The following KCTD16 variants were observed in gnomAD, a reference collection of about 807,000 sequenced individuals.
KCTD16 encodes potassium channel tetramerization domain containing 16, also known as BTB/POZ domain-containing protein KCTD16.
A neutral mutation model predicts 33.2 loss-of-function variants in KCTD16; 13 were observed. The observed-to-expected ratio is 0.39, with a 90% confidence interval of 0.25 to 0.62. The LOEUF (loss-of-function observed/expected upper bound fraction) is 0.62, where lower values mean the gene tolerates loss of function less well. Ranked by LOEUF, KCTD16 falls within the 20% of genes least tolerant of loss-of-function variation. KCTD16 has a pLI of 0.50. For synonymous variants in KCTD16, 197 were observed against 195.3 expected, an observed-to-expected ratio of 1.01 and a Z score of -0.07; for missense variants, 441 against 525.1, an observed-to-expected ratio of 0.84 and a Z score of 1.57.
intron 3 of KCTD16, among the ~76,000 whole-genome samples, chr5:144,300,377 C>G (rs940080075): frequency 6.6e-6 from 1 of 152,178 alleles, no homozygotes; most frequent in Non-Finnish European, 1.5e-5. Context: ...GCAATCTGTC[C>G]TGAATGCTGC....
rs1427809610 is a variant in KCTD16 at position 144,479,977 on chromosome 5, C to CT, written c.*5865dup. ...TCTTGTCTCCAGCAACCTCCTCCATCTTATCAGTTTATTTTTAGAATTGAC... is the reference window on the plus strand; with the variant it reads ...TCTTGTCTCCAGCAACCTCCTCCATCTTTATCAGTTTATTTTTAGAATTGAC... On this transcript the variant is annotated 3_prime_UTR_variant, in exon 4 of 4. Transcript: ENST00000512467. 6.6e-6 allele frequency: 1 copy of CT among 151,940 alleles called. No homozygotes were observed. Among genetic ancestry groups the CT allele is most frequent in the Non-Finnish European group, 1.5e-5 (1 of 67,942 alleles). 9.4% of individuals were successfully genotyped at this position (151,940 alleles called of 1,614,324 possible).
At chr5:144,287,454 T>C (rs886941273) in intron 3 of KCTD16, among the ~76,000 whole-genome samples, 1 of 152,144 alleles carries the variant, frequency 6.6e-6, no homozygotes, top group Non-Finnish European at 1.5e-5. Flanking sequence ...AGCAACTCCA[T>C]TCTATAGACA....
At chr5:144,208,994 G>A (rs1396069046) in intron 3 of KCTD16, among the ~76,000 whole-genome samples, 1 of 152,036 alleles carries the variant, frequency 6.6e-6, no homozygotes, top group Non-Finnish European at 1.5e-5. Flanking sequence ...TAAGATTCCG[G>A]CTTTTTAGCT....
chr5:144,377,528 C>A (rs987416756), intron 3 of KCTD16, among the ~76,000 whole-genome samples: 1 of 152,144 alleles, frequency 6.6e-6, no homozygotes, highest in Non-Finnish European at 1.5e-5. Context: ...AGAGTCAGTC[C>A]ACAGACCAGC....
At chr5:144,264,921 C>T (rs762190878) in intron 3 of KCTD16, among the ~76,000 whole-genome samples, 1 of 152,152 alleles carries the variant, frequency 6.6e-6, no homozygotes, top group Non-Finnish European at 1.5e-5. Context: ...ACTAAAAAAA[C>T]TCCATACAAT....
intron 3 of KCTD16, among the ~76,000 whole-genome samples, chr5:144,222,761 A>G (rs1389133603): frequency 1.3e-5 from 2 of 152,242 alleles, no homozygotes; most frequent in African/African-American, 4.8e-5. Context: ...AGAACTAGAA[A>G]TACCATTTGA....
chr5:144,326,373 G>A (rs779707998), intron 3 of KCTD16, among the ~76,000 whole-genome samples: 2 of 152,018 alleles, frequency 1.3e-5, no homozygotes, highest in Non-Finnish European at 1.5e-5. Flanking sequence ...ATCTCATCGA[G>A]GAACAAATAG....
At chr5:144,240,981 G>C (rs1754386656) in intron 3 of KCTD16, among the ~76,000 whole-genome samples, 1 of 152,094 alleles carries the variant, frequency 6.6e-6, no homozygotes, top group African/African-American at 2.4e-5. Context: ...GCAAGGATGG[G>C]ATCGAGACAC....
At chr5:144,195,295 G>A (rs567868750) in intron 2 of KCTD16, among the ~76,000 whole-genome samples, 1 of 152,320 alleles carries the variant, frequency 6.6e-6, no homozygotes, top group East Asian at 1.9e-4. Context: ...CTGGGTTGCT[G>A]CAAGGCTTAT....
intron 3 of KCTD16, among the ~76,000 whole-genome samples, chr5:144,468,133 A>G (rs1024657893): frequency 5.3e-5 from 8 of 152,158 alleles, no homozygotes; most frequent in Non-Finnish European, 8.8e-5. Flanking sequence ...AGCAGGCCAC[A>G]TGCCCTCCTC....
chr5:144,275,013 T>C (rs1363977807), intron 3 of KCTD16, among the ~76,000 whole-genome samples: 3 of 152,234 alleles, frequency 2.0e-5, no homozygotes, highest in Non-Finnish European at 2.9e-5. Context: ...AAAAAAGATA[T>C]TTTGAAATTC....
intron 2 of KCTD16, among the ~76,000 whole-genome samples, chr5:144,188,317 G>T (rs1382892795): frequency 6.6e-6 from 1 of 152,066 alleles, no homozygotes; most frequent in Non-Finnish European, 1.5e-5. Flanking sequence ...AATCATTAAG[G>T]CCGCATTCTC....
At chr5:144,468,975 C>A (rs1207468532) in intron 3 of KCTD16, among the ~76,000 whole-genome samples, 1 of 152,158 alleles carries the variant, frequency 6.6e-6, no homozygotes, top group Non-Finnish European at 1.5e-5. Context: ...GTAAGAACTG[C>A]CACAGTGAGG....
At chr5:144,416,448 G>A (rs1215451026) in intron 3 of KCTD16, among the ~76,000 whole-genome samples, 1 of 152,160 alleles carries the variant, frequency 6.6e-6, no homozygotes, top group Admixed American at 6.5e-5. Context: ...ATGTTATGAA[G>A]ATTGAATGAG....
intron 3 of KCTD16, among the ~76,000 whole-genome samples, chr5:144,237,452 A>G (rs901296591): frequency 5.3e-5 from 8 of 152,092 alleles, no homozygotes; most frequent in African/African-American, 1.9e-4. Flanking sequence ...TTTTATTTAG[A>G]TCAAGTTAAA....
intron 3 of KCTD16, among the ~76,000 whole-genome samples, chr5:144,373,157 G>T (rs1752006525): frequency 6.6e-6 from 1 of 152,086 alleles, no homozygotes; most frequent in Non-Finnish European, 1.5e-5. Context: ...CGAAATATTT[G>T]ACAGACAGGA....
At chr5:144,333,444 A>T (rs977862412) in intron 3 of KCTD16, among the ~76,000 whole-genome samples, 1 of 152,174 alleles carries the variant, frequency 6.6e-6, no homozygotes, top group African/African-American at 2.4e-5. Context: ...CCAGAATCTC[A>T]GTGACTAAAA....
intron 3 of KCTD16, among the ~76,000 whole-genome samples, chr5:144,422,200 T>C (rs1330439675): frequency 2.0e-5 from 3 of 152,174 alleles, no homozygotes; most frequent in African/African-American, 7.2e-5. Context: ...TTAGCTTTGC[T>C]GAGCTGATAA....
At chr5:144,217,260 C>T (rs980643181) in intron 3 of KCTD16, among the ~76,000 whole-genome samples, 4 of 152,126 alleles carry the variant, frequency 2.6e-5, no homozygotes, top group African/African-American at 9.7e-5. Flanking sequence ...CATATGCCTG[C>T]CAAATTACAC....
Sources: allele counts gnomAD v4.1 joint callset (sites outside exome capture counted in the v4.1 genomes callset), GRCh38; gene constraint gnomAD v4.1.1; transcripts MANE v1.5; gene names NCBI Gene and HGNC (gene_info 2026-07-23, HGNC 2026-07-21).